Variants in ROBO1 observed in about 807,000 individuals in gnomAD.
The protein encoded by ROBO1 is roundabout guidance receptor 1.
A neutral mutation model predicts 195.9 loss-of-function variants in ROBO1; 149 were observed. The observed-to-expected ratio is 0.76, with a 90% CI of 0.67 to 0.87. The LOEUF is 0.87. Among genes scored for constraint, ROBO1 ranks in the 40% least tolerant of loss-of-function variants. The probability of loss-of-function intolerance (pLI) is 0.00; values close to 1 mark genes in which losing one functional copy is unlikely to be tolerated. For missense variants in ROBO1, 1,933 were observed against 2,068.3 expected, an observed-to-expected ratio of 0.93 and a Z score of 1.27; for synonymous variants, 816 against 733.2, an observed-to-expected ratio of 1.11 and a Z score of -1.82.
chr3:79,557,027 T>G lies in ROBO1; in HGVS notation c.88+32797A>C, dbSNP rs919452452. Among the ~76,000 whole-genome samples, 110 of 151,360 alleles carry G rather than the reference T, an allele frequency of 7.3e-4. 1 individual carries two copies. The highest frequency in any genetic ancestry group is 3.9e-4 in the Admixed American group (6 of 15,206). On this transcript the variant is annotated intron_variant, in intron 2 of 30. Transcript: ENST00000464233. ...TGAATTCCTTTTTTTGTTGTTTTTT[T>G]TTTTTATTTTTGTGGCAGACTATGA...
chr3:78,788,440 TAAAAAAAAAAAAAAA>T (rs35773751), intron 4 of ROBO1, among the ~76,000 whole-genome samples: 22 of 75,762 alleles, frequency 2.9e-4, no homozygotes, highest in African/African-American at 1.0e-3. Context: ...TTTTTTTTTT[TAAAAAAAAAAAAAAA>T]AAAAAAAGAT....
At chr3:79,435,890 C>A (rs1379571584) in intron 2 of ROBO1, among the ~76,000 whole-genome samples, 1 of 152,076 alleles carries the variant, frequency 6.6e-6, no homozygotes, top group Non-Finnish European at 1.5e-5. Context: ...GAGTTTATTT[C>A]TCTGAGGGGA....
chr3:79,169,468 G>A (rs570601659), intron 2 of ROBO1, among the ~76,000 whole-genome samples: 1 of 151,902 alleles, frequency 6.6e-6, no homozygotes, highest in Non-Finnish European at 1.5e-5. Context: ...ACACACACAC[G>A]TTTCTTAATA....
chr3:79,175,223 C>A (rs1313681824), intron 2 of ROBO1, among the ~76,000 whole-genome samples: 1 of 152,134 alleles, frequency 6.6e-6, no homozygotes, highest in African/African-American at 2.4e-5. Context: ...ATTAGTATAG[C>A]ATTTATTGAT....
intron 4 of ROBO1, among the ~76,000 whole-genome samples, chr3:78,855,420 C>A (rs2034353967): frequency 6.6e-6 from 1 of 152,166 alleles, no homozygotes; most frequent in South Asian, 2.1e-4. Flanking sequence ...CAGGCAGAGC[C>A]TGGGCAACTG....
At chr3:79,347,563 T>C (rs768092081) in intron 2 of ROBO1, among the ~76,000 whole-genome samples, 3 of 152,202 alleles carry the variant, frequency 2.0e-5, no homozygotes, top group African/African-American at 4.8e-5. Context: ...GCCTCAGGAT[T>C]GCGATAAAGT....
At chr3:79,070,982 GAT>G (rs1288361765) in intron 3 of ROBO1, among the ~76,000 whole-genome samples, 1 of 151,692 alleles carries the variant, frequency 6.6e-6, no homozygotes, top group African/African-American at 2.4e-5. Flanking sequence ...TGTACAATGT[GAT>G]GTTTTCATAT....
At chr3:79,355,638 A>G (rs2035520691) in intron 2 of ROBO1, among the ~76,000 whole-genome samples, 1 of 152,094 alleles carries the variant, frequency 6.6e-6, no homozygotes, top group Non-Finnish European at 1.5e-5. Context: ...TTTAGATTCC[A>G]TATATTTGTA....
chr3:79,064,888 A>G (rs562729527), intron 3 of ROBO1, among the ~76,000 whole-genome samples: 86 of 152,076 alleles, frequency 5.7e-4, no homozygotes, highest in African/African-American at 2.0e-3. Flanking sequence ...TCTCCACCTT[A>G]GGAGTAAAAG....
At chr3:79,205,041 G>T (rs184373015) in intron 2 of ROBO1, among the ~76,000 whole-genome samples, 95 of 152,220 alleles carry the variant, frequency 6.2e-4, no homozygotes, top group African/African-American at 2.2e-3. Flanking sequence ...CGCCTAGGCT[G>T]GACTGCAGTG....
intron 4 of ROBO1, among the ~76,000 whole-genome samples, chr3:78,810,203 C>T (rs926075857): frequency 1.3e-5 from 2 of 152,136 alleles, no homozygotes; most frequent in Non-Finnish European, 2.9e-5. Context: ...TTATGTGAAA[C>T]TCTAATAAAA....
At chr3:79,496,870 T>A (rs1313998886) in intron 2 of ROBO1, among the ~76,000 whole-genome samples, 1 of 152,198 alleles carries the variant, frequency 6.6e-6, no homozygotes, top group African/African-American at 2.4e-5. Context: ...TTTCTAAATA[T>A]GATTGCATTA....
At chr3:79,478,389 C>T (rs1938653338) in intron 2 of ROBO1, among the ~76,000 whole-genome samples, 4 of 33,668 alleles carry the variant, frequency 1.2e-4, no homozygotes, top group Admixed American at 9.9e-4. Flanking sequence ...GCAGACCAAC[C>T]CCCCCACCCC....
chr3:79,220,851 A>G lies in ROBO1; in HGVS notation c.89-95312T>C, dbSNP rs2082125435. Among the ~76,000 whole-genome samples, 3 of 152,044 alleles carry G rather than the reference A, an allele frequency of 2.0e-5. No homozygotes were observed. In the South Asian group the frequency reaches 6.2e-4, roughly 31 times the overall value. On this transcript the variant is annotated intron_variant, in intron 2 of 30. Transcript: ENST00000464233. ...CTGCGGATCAGGATTTCTGAGTCTC[A>G]GCCTTATTGACATTTTGGGCTGGAT...
At chr3:78,656,344 G>T (rs796435123) in intron 18 of ROBO1, among the ~76,000 whole-genome samples, 21 of 98,624 alleles carry the variant, frequency 2.1e-4, no homozygotes, top group African/African-American at 4.6e-4. Flanking sequence ...TTGCTTATTT[G>T]ATTTTTTTTT....
At chr3:78,829,078 A>G (rs1197819686) in intron 4 of ROBO1, among the ~76,000 whole-genome samples, 1 of 152,200 alleles carries the variant, frequency 6.6e-6, no homozygotes, top group Non-Finnish European at 1.5e-5. Flanking sequence ...AAGGAAAGAC[A>G]CTAAGAAAGA....
At chr3:78,682,037 A>AAAGCAAATAATGAAACTGATGTTT (rs1230287297) in intron 10 of ROBO1, among the ~76,000 whole-genome samples, 40 of 152,178 alleles carry the variant, frequency 2.6e-4, no homozygotes, top group Non-Finnish European at 5.1e-4. Context: ...GAACATTAGA[A>AAAGCAAATAATGAAACTGATGTTT]AAGCAAATAA....
intron 2 of ROBO1, among the ~76,000 whole-genome samples, chr3:79,506,420 A>G (rs145692633): frequency 8.9e-4 from 135 of 152,262 alleles, no homozygotes; most frequent in African/African-American, 3.0e-3. Flanking sequence ...GCCAACAGTA[A>G]GTTTCAAAGA....
chr3:79,748,026 A>C (rs1703949193), intron 1 of ROBO1, among the ~76,000 whole-genome samples: 1 of 152,044 alleles, frequency 6.6e-6, no homozygotes, highest in Admixed American at 6.6e-5. Flanking sequence ...ATAAAAATGC[A>C]TGGTTGTTCA....
Sources: allele counts gnomAD v4.1 joint callset (sites outside exome capture counted in the v4.1 genomes callset), GRCh38; gene constraint gnomAD v4.1.1; transcripts MANE v1.5; gene names NCBI Gene and HGNC (gene_info 2026-07-23, HGNC 2026-07-21).